Variants in PRICKLE1 observed in about 807,000 individuals in gnomAD.
PRICKLE1 encodes the protein prickle-like protein 1.
PRICKLE1 carries 14 observed loss-of-function variants against 70.2 expected under a neutral mutation model. The ratio of observed to expected loss-of-function variants is 0.20; its 90% CI spans 0.13 to 0.31. The LOEUF is 0.31. Among genes scored for constraint, PRICKLE1 ranks in the 10% least tolerant of loss-of-function variants. The pLI is 1.00. For synonymous variants in PRICKLE1, 357 were observed against 379.9 expected (o/e 0.94, Z 0.70); for missense variants, 821 against 1,026.2 (o/e 0.80, Z 2.73).
chr12:42,565,212 G>C (rs1026772483), intron 1 of PRICKLE1, among the ~76,000 whole-genome samples: 1 of 152,200 alleles, frequency 6.6e-6, no homozygotes, highest in African/African-American at 2.4e-5. Flanking sequence ...GAAGAGGAGA[G>C]GGGAAGTGGG....
At chr12:42,490,455 G>A (rs1417735363) in intron 1 of PRICKLE1, among the ~76,000 whole-genome samples, 1 of 152,218 alleles carries the variant, frequency 6.6e-6, no homozygotes, top group East Asian at 1.9e-4. Context: ...GTTATTCTAG[G>A]GGTAGTGGGG....
At chr12:42,503,768 C>G (rs1939356911) in intron 1 of PRICKLE1, among the ~76,000 whole-genome samples, 1 of 152,274 alleles carries the variant, frequency 6.6e-6, no homozygotes, top group South Asian at 2.1e-4. Context: ...TCTGATTTAC[C>G]TCCTCACCTT....
chr12:42,563,855 A>G (rs1217823887), intron 1 of PRICKLE1, among the ~76,000 whole-genome samples: 1 of 152,058 alleles, frequency 6.6e-6, no homozygotes, highest in African/African-American at 2.4e-5. Flanking sequence ...TTTCGAGTAC[A>G]ATGGGTACAG....
chr12:42,567,842 T>C (rs1056354750), intron 1 of PRICKLE1, among the ~76,000 whole-genome samples: 2 of 148,074 alleles, frequency 1.4e-5, no homozygotes. Context: ...CTTCTTTAGG[T>C]GGGGATACAC....
At chr12:42,489,066 G>A (rs952545235) in intron 1 of PRICKLE1, among the ~76,000 whole-genome samples, 9 of 151,768 alleles carry the variant, frequency 5.9e-5, no homozygotes, top group African/African-American at 2.2e-4. Context: ...TGGGATTACA[G>A]GCATGCGCAA....
intron 1 of PRICKLE1, among the ~76,000 whole-genome samples, chr12:42,531,513 C>A (rs1327455193): frequency 6.6e-6 from 1 of 152,140 alleles, no homozygotes; most frequent in Non-Finnish European, 1.5e-5. Context: ...TTCAGAAAGG[C>A]TTAAAAATAT....
chr12:42,537,296 C>T (rs1174403053), intron 1 of PRICKLE1, among the ~76,000 whole-genome samples: 1 of 151,952 alleles, frequency 6.6e-6, no homozygotes, highest in Non-Finnish European at 1.5e-5. Flanking sequence ...GTAGCTGGGA[C>T]CACAGGTGTG....
chr12:42,574,438 A>C (rs1482892870), intron 1 of PRICKLE1, among the ~76,000 whole-genome samples: 1 of 152,236 alleles, frequency 6.6e-6, no homozygotes, highest in African/African-American at 2.4e-5. Flanking sequence ...TTCCATCAAC[A>C]AAGCAAATTG....
At chr12:42,507,436 CT>C (rs1308960526) in intron 1 of PRICKLE1, among the ~76,000 whole-genome samples, 1 of 152,228 alleles carries the variant, frequency 6.6e-6, no homozygotes, top group Non-Finnish European at 1.5e-5. Flanking sequence ...GACACCACAA[CT>C]TGTTATTTGC....
intron 1 of PRICKLE1, among the ~76,000 whole-genome samples, chr12:42,543,132 G>A (rs574051896): frequency 6.6e-6 from 1 of 152,292 alleles, no homozygotes; most frequent in East Asian, 1.9e-4. Flanking sequence ...TCAGCCCTGT[G>A]AGAAATACAT....
At chr12:42,561,599 T>C (rs1220723071) in intron 1 of PRICKLE1, among the ~76,000 whole-genome samples, 1 of 152,230 alleles carries the variant, frequency 6.6e-6, no homozygotes, top group African/African-American at 2.4e-5. Context: ...TCAAAATAGT[T>C]TTTAATTACA....
In PRICKLE1 at chr12:42,458,320, GATAC is replaced by G. The variant is rs1219197629; in HGVS notation, c.*1485_*1488del. ...ACAGGCACAAAATGGAAGTTATCTG[GATAC>G]ATTTGCAAAGATTTATATTCAGAAA... On this transcript the variant is annotated 3_prime_UTR_variant, in exon 8 of 8. Transcript: ENST00000345127. 6.6e-6 allele frequency: 1 copy of G among 152,152 alleles called. No individual in the cohort carries two copies. Among genetic ancestry groups the G allele is most frequent in the Non-Finnish European group, 1.5e-5 (1 of 68,026 alleles). The allele number at this position is 152,152 out of a possible 1,614,324, so 9.4% of individuals were successfully genotyped here.
In PRICKLE1 at chr12:42,575,709, A is replaced by T. The variant is rs117587904; in HGVS notation, c.-49+13756T>A. ...ACTCCATCTCAAAAAAAAATAAAAA[A>T]AAAAATAAAAAACTTGCAATTCACT... is the stretch of plus-strand genomic sequence containing the variant. On this transcript the variant is annotated intron_variant, in intron 1 of 7. Transcript: ENST00000345127. Among the ~76,000 whole-genome samples the T allele has an allele frequency of 4.3e-3, 649 of 152,240 alleles. 9 individuals carry two copies. The South Asian group carries it at 0.045, about 10-fold the overall frequency.
chr12:42,582,060 T>C (rs1435052521), intron 1 of PRICKLE1, among the ~76,000 whole-genome samples: 3 of 152,220 alleles, frequency 2.0e-5, no homozygotes, highest in Non-Finnish European at 2.9e-5. Context: ...TACCTCAATA[T>C]GGAGAAAGCC....
chr12:42,536,953 CTTAAA>C (rs1209904837), intron 1 of PRICKLE1, among the ~76,000 whole-genome samples: 1 of 152,134 alleles, frequency 6.6e-6, no homozygotes, highest in Non-Finnish European at 1.5e-5. Flanking sequence ...TAGCAATGCT[CTTAAA>C]TTAACTCTTT....
At chr12:42,584,029 C>A (rs1940946705) in intron 1 of PRICKLE1, among the ~76,000 whole-genome samples, 1 of 152,076 alleles carries the variant, frequency 6.6e-6, no homozygotes, top group African/African-American at 2.4e-5. Flanking sequence ...AAGATTTAAA[C>A]CACCAGTTTT....
At chr12:42,535,138 A>C (rs1939995827) in intron 1 of PRICKLE1, among the ~76,000 whole-genome samples, 1 of 152,140 alleles carries the variant, frequency 6.6e-6, no homozygotes, top group Non-Finnish European at 1.5e-5. Flanking sequence ...GACTGATGGC[A>C]CATCAGCTCA....
intron 1 of PRICKLE1, among the ~76,000 whole-genome samples, chr12:42,504,830 A>G (rs866698281): frequency 6.6e-6 from 1 of 152,048 alleles, no homozygotes; most frequent in Non-Finnish European, 1.5e-5. Context: ...TTTATGGCTC[A>G]TTGTTCTGTA....
At chr12:42,507,990 T>A (rs906254294) in intron 1 of PRICKLE1, among the ~76,000 whole-genome samples, 1 of 152,220 alleles carries the variant, frequency 6.6e-6, no homozygotes, top group African/African-American at 2.4e-5. Context: ...ATCCATCAAT[T>A]TGCCCTTTTT....
Sources: allele counts gnomAD v4.1 joint callset (sites outside exome capture counted in the v4.1 genomes callset), GRCh38; gene constraint gnomAD v4.1.1; transcripts MANE v1.5; gene names NCBI Gene and HGNC (gene_info 2026-07-23, HGNC 2026-07-21).